LAMA4: variants seen among roughly 807,000 people sequenced by gnomAD.
LAMA4 encodes the protein laminin subunit alpha-4.
A neutral mutation model predicts 207.1 loss-of-function variants in LAMA4; 127 were observed. The ratio of observed to expected loss-of-function variants is 0.61; its 90% CI spans 0.53 to 0.71. The LOEUF (loss-of-function observed/expected upper bound fraction) is 0.71, where lower values mean the gene tolerates loss of function less well. LAMA4 is among the 30% of genes least tolerant of loss of function. The pLI is 0.00. For missense variants in LAMA4, 2,093 were observed against 2,246.5 expected (o/e 0.93, Z 1.38); for synonymous variants, 761 against 816.0 (o/e 0.93, Z 1.15).
chr6:112,167,718 C>T (rs577519200), intron 12 of LAMA4, among the ~76,000 whole-genome samples: 1 of 152,068 alleles, frequency 6.6e-6, no homozygotes, highest in Admixed American at 6.5e-5. Flanking sequence ...TCCATCTGTT[C>T]ATCAATAGAT....
intron 2 of LAMA4, among the ~76,000 whole-genome samples, chr6:112,239,292 C>A (rs553802416): frequency 1.5e-5 from 2 of 134,852 alleles, no homozygotes; most frequent in African/African-American, 2.9e-5. Flanking sequence ...TACTGCACTC[C>A]AGCCAGGTGA....
intron 2 of LAMA4, chr6:112,253,535 T>A: frequency 3.9e-6 from 2 of 513,542 alleles, no homozygotes; most frequent in Admixed American, 3.2e-5. Flanking sequence ...GACAAAAAGA[T>A]CCTGCAGTAG....
At chr6:112,249,970 T>A (rs568230428) in intron 2 of LAMA4, among the ~76,000 whole-genome samples, 1 of 152,350 alleles carries the variant, frequency 6.6e-6, no homozygotes, top group African/African-American at 2.4e-5. Context: ...TAATGGCCAC[T>A]TATTTTTTTT....
intron 38 of LAMA4, among the ~76,000 whole-genome samples, chr6:112,113,518 G>A (rs1268765370): frequency 4.6e-5 from 7 of 152,158 alleles, no homozygotes; most frequent in African/African-American, 1.7e-4. Context: ...TCACCATCCG[G>A]GATTATACAC....
chr6:112,189,799 A>T (rs116799545), intron 6 of LAMA4, among the ~76,000 whole-genome samples: 4,034 of 152,286 alleles, frequency 0.026, 170 homozygotes, highest in African/African-American at 0.091. Context: ...ACATTTTTAC[A>T]TGAATTTAGA....
At chr6:112,214,154 G>T in intron 3 of LAMA4, 1 of 517,462 alleles carries the variant, frequency 1.9e-6, no homozygotes. Flanking sequence ...TTGCAACTAA[G>T]TGAAATAAAA....
rs397516715 is a variant in LAMA4, at chr6:112,175,461, G to C, written c.1209C>G (p.Leu403=). Residue 403 remains leucine, a synonymous_variant, in exon 11 of 39, where the codon CTC becomes CTG. Transcript: ENST00000230538. ...DKIQEINNKM[L]YYGEEHELSP... ...TAAGTTCATGCTCTTCCCCATAATA[G>C]AGCATCTTGTTGTTGATCTCTGAAA... is the stretch of plus-strand genomic sequence containing the variant. 1 of 1,614,136 alleles carries C rather than the reference G, an allele frequency of 6.2e-7. No individual in the cohort carries two copies.
intron 35 of LAMA4, among the ~76,000 whole-genome samples, 200 bp from the exon 36 acceptor site, chr6:112,116,193 CT>C (rs1778009580): frequency 6.6e-6 from 1 of 152,278 alleles, no homozygotes; most frequent in African/African-American, 2.4e-5. Context: ...TGCATCAATC[CT>C]GTTGTGGGGT....
intron 5 of LAMA4, among the ~76,000 whole-genome samples, chr6:112,197,346 G>T (rs532351102): frequency 6.6e-5 from 10 of 152,294 alleles, no homozygotes; most frequent in Non-Finnish European, 1.5e-4. Flanking sequence ...GCAGGTGGGC[G>T]TGTTTGAGCT....
Position 112,207,324 on chromosome 6 carries a change from G to T in LAMA4, c.298-179C>A, listed in dbSNP as rs2239850. On this transcript the variant is annotated intron_variant, in intron 3 of 38. Transcript: ENST00000230538. ...CACTGGCCCCAGTCAATGCCAGAAA[G>T]TGTGGGTAAGTGGTGAATTAATTTT... is the stretch of plus-strand genomic sequence containing the variant. Among the ~76,000 whole-genome samples the T allele has an allele frequency of 0.061, 9,323 of 152,264 alleles. 336 individuals carry two copies. Among genetic ancestry groups the T allele is most frequent in the East Asian group, 0.15 (770 of 5,174 alleles).
At chr6:112,183,970 GA>G (rs1283351067) in intron 9 of LAMA4, among the ~76,000 whole-genome samples, 4 of 119,284 alleles carry the variant, frequency 3.4e-5, no homozygotes, top group African/African-American at 1.2e-4. Context: ...AAAAAAAAAA[GA>G]AAAAAGAATT....
intron 13 of LAMA4, among the ~76,000 whole-genome samples, chr6:112,161,499 C>G (rs1266952353): frequency 6.6e-6 from 1 of 152,190 alleles, no homozygotes; most frequent in East Asian, 1.9e-4. Context: ...GGACATACCA[C>G]TTTTACTCAT....
At chr6:112,245,634 C>T (rs1163285264) in intron 2 of LAMA4, among the ~76,000 whole-genome samples, 7 of 148,084 alleles carry the variant, frequency 4.7e-5, no homozygotes, top group Non-Finnish European at 8.9e-5. Context: ...GCCCTTTTAG[C>T]TGTAGAGTAC....
chr6:112,111,674 G>A (rs761625203), intron 38 of LAMA4, among the ~76,000 whole-genome samples: 1 of 152,182 alleles, frequency 6.6e-6, no homozygotes, highest in Non-Finnish European at 1.5e-5. Flanking sequence ...TTCTTAGATG[G>A]ACTTAAAAGC....
chr6:112,111,245 T>C (rs1583619244), intron 38 of LAMA4, among the ~76,000 whole-genome samples: 1 of 152,176 alleles, frequency 6.6e-6, no homozygotes, highest in African/African-American at 2.4e-5. Flanking sequence ...GGTTTTGCCA[T>C]GTTGGCCAGG....
chr6:112,165,814 C>T (rs1429449087), intron 12 of LAMA4, among the ~76,000 whole-genome samples: 2 of 152,264 alleles, frequency 1.3e-5, no homozygotes, highest in East Asian at 3.9e-4. Context: ...TCTCAGAGCT[C>T]TTTATTGTAA....
chr6:112,182,112 A>G (rs1461530859), intron 9 of LAMA4, among the ~76,000 whole-genome samples: 1 of 151,258 alleles, frequency 6.6e-6, no homozygotes, highest in Non-Finnish European at 1.5e-5. Flanking sequence ...AAATAAATAA[A>G]TAAATAAATA....
At chr6:112,202,219 A>G (rs1165113248) in intron 4 of LAMA4, among the ~76,000 whole-genome samples, 1 of 152,224 alleles carries the variant, frequency 6.6e-6, no homozygotes, top group South Asian at 2.1e-4. Context: ...GCAGCAAAAC[A>G]TAGGACCCAC....
chr6:112,245,631 T>C (rs1392447806), intron 2 of LAMA4, among the ~76,000 whole-genome samples: 1 of 149,982 alleles, frequency 6.7e-6, no homozygotes, highest in Non-Finnish European at 1.5e-5. Flanking sequence ...GGGGCCCTTT[T>C]AGCTGTAGAG....
Sources: gnomAD v4.1 joint callset for allele counts (sites outside exome capture counted in the v4.1 genomes callset) on GRCh38, gnomAD v4.1.1 for gene constraint, MANE v1.5 for transcripts, NCBI Gene and HGNC (gene_info 2026-07-23, HGNC 2026-07-21) for gene names.